The following ZNF37A variants were observed in gnomAD, a reference collection of about 807,000 sequenced individuals.
ZNF37A encodes zinc finger protein 37A.
ZNF37A carries 10 observed loss-of-function variants against 12.3 expected under a neutral mutation model. That is an observed-to-expected ratio of 0.82 (90% CI 0.50 to 1.38). The LOEUF is 1.38. Ranked by LOEUF, ZNF37A falls within the 40% of genes most tolerant of loss-of-function variation. The pLI is 0.00. For synonymous variants in ZNF37A, 207 were observed against 223.0 expected (o/e 0.93, Z 0.64); for missense variants, 580 against 651.2 (o/e 0.89, Z 1.19).
chr10:38,102,960 C>T (rs1461202616), intron 5 of ZNF37A, among the ~76,000 whole-genome samples: 1 of 152,058 alleles, frequency 6.6e-6, no homozygotes, highest in Non-Finnish European at 1.5e-5. Context: ...AGTCCCTTGT[C>T]TCTTGCTACT....
chr10:38,114,719 T>C, intron 5 of ZNF37A, 36 bp from the exon 6 acceptor site: 1 of 1,613,834 alleles, frequency 6.2e-7, no homozygotes, highest in Non-Finnish European at 8.5e-7. Context: ...AACTGATTCT[T>C]ATCACTTCAG....
downstream of ZNF37A, among the ~76,000 whole-genome samples, chr10:38,128,536 G>A (rs1179000233): frequency 6.6e-6 from 1 of 151,970 alleles, no homozygotes; most frequent in African/African-American, 2.4e-5. Flanking sequence ...TTATCTTTTC[G>A]ATAATGAGAC....
At chr10:38,099,209 G>A (rs12355131) in intron 5 of ZNF37A, among the ~76,000 whole-genome samples, 18,042 of 152,062 alleles carry the variant, frequency 0.12, 1,375 homozygotes, top group Non-Finnish European at 0.17. Flanking sequence ...TATTCATATC[G>A]TACATATAAT....
chr10:38,106,502 T>A (rs2068105890), intron 5 of ZNF37A, among the ~76,000 whole-genome samples: 2 of 152,076 alleles, frequency 1.3e-5, no homozygotes, highest in South Asian at 4.1e-4. Flanking sequence ...AGAGAATGAG[T>A]TTGACAAATT....
At chr10:38,108,632 TA>T (rs2068351948) in intron 5 of ZNF37A, among the ~76,000 whole-genome samples, 1 of 151,962 alleles carries the variant, frequency 6.6e-6, no homozygotes, top group Non-Finnish European at 1.5e-5. Context: ...ATAGATGCAA[TA>T]AAAAATGATA....
chr10:38,146,722 C>G (rs12246875), intron 7 of ZNF37A: 7,367 of 398,426 alleles, frequency 0.018, 196 homozygotes, highest in African/African-American at 0.076. Flanking sequence ...TCAACTTTTC[C>G]TACCCACAGG....
chr10:38,114,551 T>C (rs1269284852), intron 5 of ZNF37A, among the ~76,000 whole-genome samples: 1 of 152,196 alleles, frequency 6.6e-6, no homozygotes, highest in Non-Finnish European at 1.5e-5. Flanking sequence ...CATTAAGTAA[T>C]AAATTAATGC....
chr10:38,129,319 A>AAAAAAAAAAAAAAAAAAAAAACAAC, downstream of ZNF37A, among the ~76,000 whole-genome samples: 2 of 116,228 alleles, frequency 1.7e-5, no homozygotes, highest in African/African-American at 7.3e-5. Flanking sequence ...AAAAAAAAAA[A>AAAAAAAAAAAAAAAAAAAAAACAAC]AAACTATTAT....
At chr10:38,111,048 G>T (rs182382684) in intron 5 of ZNF37A, among the ~76,000 whole-genome samples, 1 of 152,110 alleles carries the variant, frequency 6.6e-6, no homozygotes, top group East Asian at 1.9e-4. Context: ...TTTTTTTGTG[G>T]CACTGTTCAC....
chr10:38,140,637 TA>T, intron 7 of ZNF37A: 1 of 152,344 alleles, frequency 6.6e-6, no homozygotes, highest in African/African-American at 2.4e-5. Context: ...ATACATGGGT[TA>T]GGACACACTA....
At position 38,111,743 on chromosome 10, in the gene ZNF37A, C is replaced by T. The variant is rs138397377; in HGVS notation, c.16-3012C>T. Reference sequence around the variant, plus strand: ...AAAGGATTCCCTTTAGCATTCCTTGCAGAGTAGATCTAGTAAAAACATACT... The same window carrying T: ...AAAGGATTCCCTTTAGCATTCCTTGTAGAGTAGATCTAGTAAAAACATACT... On this transcript the variant is annotated intron_variant, in intron 5 of 7. Coordinates refer to ENST00000685332, the MANE Select transcript of ZNF37A (RefSeq NM_001324250.3). Among the ~76,000 whole-genome samples, 22 of 152,234 alleles carry T rather than the reference C, an allele frequency of 1.4e-4. 1 individual carries two copies. The East Asian group carries it at 4.2e-3, about 29-fold the overall frequency.
chr10:38,118,815 A>G lies in ZNF37A; in HGVS notation c.1664A>G (p.Asn555Ser). Residue 555 changes from asparagine to serine, a missense_variant, in exon 8 of 8, where the codon AAC (asparagine) becomes AGC (serine). Coordinates refer to ENST00000685332, the MANE Select transcript of ZNF37A (RefSeq NM_001324250.3). The stretch of plus-strand genomic sequence containing the variant: ...GGGAGAAACCCTATAAATGTAGTAA[A>G]CGAGGGAAATTACTCTGGGTGAAGT... ...HLGRNPINVV[N>S]EGNYSG 6.3e-7 allele frequency: 1 copy of G among 1,579,798 alleles called. No homozygotes were observed. The highest frequency in any genetic ancestry group is 8.6e-7 in the Non-Finnish European group (1 of 1,165,054).
chr10:38,119,044 A>G lies in ZNF37A; in HGVS notation c.*207A>G. 8.0e-7 allele frequency: 1 copy of G among 1,256,100 alleles called. No individual in the cohort carries two copies. The allele number at this position is 1,256,100 out of a possible 1,614,324, so 77.8% of individuals were successfully genotyped here. On this transcript the variant is annotated 3_prime_UTR_variant, in exon 8 of 8. Transcript: ENST00000685332. ...TATGTTACAAAACTAAAAGTGGAAA[A>G]AACTTATTGGTGAATGAATATAGGA...
rs1185025604 is a variant in ZNF37A, at chr10:38,119,256, G to C, written c.*419G>C. The C allele has an allele frequency of 9.5e-7, 1 of 1,048,934 alleles. No homozygotes were observed. The highest frequency in any genetic ancestry group is 1.7e-5 in the African/African-American group (1 of 58,038). The allele number at this position is 1,048,934 out of a possible 1,614,324, so 65.0% of individuals were successfully genotyped here. ...ATGAATGTGGGAAAACCTTTCATCA[G>C]AAGTCAGCTCTAATTGTTCACCACA... On this transcript the variant is annotated 3_prime_UTR_variant, in exon 8 of 8. Coordinates refer to ENST00000685332, the MANE Select transcript of ZNF37A (RefSeq NM_001324250.3).
At position 38,118,370 on chromosome 10, in the gene ZNF37A, G is replaced by A. The variant is rs778838031; in HGVS notation, c.1219G>A (p.Gly407Ser). Residue 407 changes from glycine (G) to serine (S), a missense_variant, in exon 8 of 8, where the codon GGT (glycine) becomes AGT (serine). Physicochemically the swap from Gly to Ser is moderately conservative, Grantham distance 56. Transcript: ENST00000685332. The stretch of plus-strand genomic sequence containing the variant: ...CATTAAACATCAAAGAATACACACA[G>A]GTGAAAAACCTTATGAATGTAATGA... ...DLIKHQRIHT[G>S]EKPYECNECG... The A allele has an allele frequency of 9.3e-6, 15 of 1,613,620 alleles. No individual in the cohort carries two copies. Among genetic ancestry groups the A allele is most frequent in the Non-Finnish European group, 2.5e-6 (3 of 1,179,962 alleles).
rs865841837 is a variant in ZNF37A at position 38,142,323 on chromosome 10, G to T, written c.239-4409G>T. The T allele has an allele frequency of 2.0e-5, 3 of 152,144 alleles. No homozygotes were observed. In the South Asian group the frequency reaches 6.2e-4, roughly 31 times the overall value. 9.4% of individuals were successfully genotyped at this position (152,144 alleles called of 1,614,324 possible). On this transcript the variant is annotated intron_variant, in intron 7 of 7. Coordinates refer to the ZNF37A transcript ENST00000638053. ...CAAAAAATATATATTTATGCAGAGA[G>T]AACAATATAAACAAGCTTCTACTGC...
At chr10:38,134,366 TTCTC>T (rs1313673246) in intron 7 of ZNF37A, among the ~76,000 whole-genome samples, 1 of 152,130 alleles carries the variant, frequency 6.6e-6, no homozygotes, top group African/African-American at 2.4e-5. Flanking sequence ...GGAGAAGAGG[TTCTC>T]TAATTTTTAG....
chr10:38,103,288 C>G (rs1312851916), intron 5 of ZNF37A, among the ~76,000 whole-genome samples: 1 of 152,120 alleles, frequency 6.6e-6, no homozygotes, highest in African/African-American at 2.4e-5. Flanking sequence ...TTTGCTGATT[C>G]TTTGTTCTCT....
Position 38,119,238 on chromosome 10 carries a change from T to TG in ZNF37A, c.*404dup, listed in dbSNP as rs2069542658. The TG allele has an allele frequency of 9.6e-7, 1 of 1,042,766 alleles. No individual in the cohort carries two copies. Among genetic ancestry groups the TG allele is most frequent in the African/African-American group, 1.7e-5 (1 of 57,876 alleles). The allele number at this position is 1,042,766 out of a possible 1,614,324, so 64.6% of individuals were successfully genotyped here. A position where few individuals can be genotyped will look rare whatever the true frequency, so the allele number is the denominator to read the frequency against. The stretch of plus-strand genomic sequence containing the variant: ...AGAAACCTTTTGGGTGTAATGAATG[T>TG]GGGAAAACCTTTCATCAGAAGTCAG... On this transcript the variant is annotated 3_prime_UTR_variant, in exon 8 of 8. Coordinates refer to ENST00000685332, the MANE Select transcript of ZNF37A (RefSeq NM_001324250.3).
Sources: allele counts gnomAD v4.1 joint callset (sites outside exome capture counted in the v4.1 genomes callset), GRCh38; gene constraint gnomAD v4.1.1; transcripts MANE v1.5; gene names NCBI Gene and HGNC (gene_info 2026-07-23, HGNC 2026-07-21).